Variants in GRID2 observed in about 807,000 individuals in gnomAD.
GRID2 encodes glutamate ionotropic receptor delta type subunit 2, also known as glutamate receptor ionotropic, delta-2.
A neutral mutation model predicts 114.8 loss-of-function variants in GRID2; 33 were observed. That is an observed-to-expected ratio of 0.29 (90% CI 0.22 to 0.38). The LOEUF (loss-of-function observed/expected upper bound fraction) is 0.38, where lower values mean the gene tolerates loss of function less well. GRID2 is among the 10% of genes least tolerant of loss of function. The pLI, the probability that GRID2 is intolerant of heterozygous loss-of-function variation, is 1.00. For synonymous variants in GRID2, 505 were observed against 449.9 expected (o/e 1.12, Z -1.55); for missense variants, 1,184 against 1,257.7 (o/e 0.94, Z 0.89).
intron 14 of GRID2, among the ~76,000 whole-genome samples, chr4:93,756,309 T>A (rs886746204): frequency 2.0e-5 from 3 of 152,222 alleles, no homozygotes. Flanking sequence ...CCCATCACTC[T>A]GCAATCATGA....
At chr4:92,674,322 A>T (rs535318525) in intron 2 of GRID2, among the ~76,000 whole-genome samples, 2 of 151,654 alleles carry the variant, frequency 1.3e-5, no homozygotes, top group East Asian at 3.9e-4. Flanking sequence ...TTATGTATTT[A>T]TTTTTTTCCT....
intron 8 of GRID2, among the ~76,000 whole-genome samples, chr4:93,383,498 C>T (rs1579900952): frequency 6.6e-6 from 1 of 152,136 alleles, no homozygotes; most frequent in East Asian, 1.9e-4. Context: ...TCAATAGACT[C>T]CAGAACTCCA....
chr4:92,347,011 G>A (rs1727800978), intron 1 of GRID2, among the ~76,000 whole-genome samples: 1 of 152,098 alleles, frequency 6.6e-6, no homozygotes, highest in Non-Finnish European at 1.5e-5. Context: ...CAGAAAATAT[G>A]TTCTGCTTTC....
At chr4:93,184,615 G>T (rs1740222397) in intron 4 of GRID2, among the ~76,000 whole-genome samples, 1 of 152,044 alleles carries the variant, frequency 6.6e-6, no homozygotes, top group African/African-American at 2.4e-5. Flanking sequence ...CGGGTGCAGT[G>T]GCTCACGCCT....
intron 2 of GRID2, among the ~76,000 whole-genome samples, chr4:93,078,803 T>C (rs886851132): frequency 6.8e-6 from 1 of 146,912 alleles, no homozygotes; most frequent in Admixed American, 6.8e-5. Context: ...TAATTATATT[T>C]ATGTACTATA....
At chr4:92,732,250 T>G (rs1253903123) in intron 2 of GRID2, among the ~76,000 whole-genome samples, 1 of 152,018 alleles carries the variant, frequency 6.6e-6, no homozygotes, top group Non-Finnish European at 1.5e-5. Flanking sequence ...TGTGTGTATG[T>G]TTGTATATAT....
intron 3 of GRID2, among the ~76,000 whole-genome samples, chr4:93,105,098 A>C (rs1488170621): frequency 1.3e-5 from 2 of 152,034 alleles, no homozygotes; most frequent in Non-Finnish European, 2.9e-5. Flanking sequence ...TGGCTGCATA[A>C]ATGTCTTCTT....
chr4:92,587,813 G>A (rs1041192260), intron 1 of GRID2, among the ~76,000 whole-genome samples: 18 of 152,106 alleles, frequency 1.2e-4, no homozygotes, highest in African/African-American at 4.3e-4. Flanking sequence ...AATATTAAGT[G>A]TTCTGCCATG....
intron 2 of GRID2, among the ~76,000 whole-genome samples, chr4:92,970,336 C>T (rs1753426278): frequency 6.6e-6 from 1 of 151,878 alleles, no homozygotes. Context: ...CAAAGCAAAA[C>T]AGGATATATG....
chr4:93,126,818 C>T (rs566546833), intron 4 of GRID2, among the ~76,000 whole-genome samples: 27 of 151,616 alleles, frequency 1.8e-4, no homozygotes, highest in African/African-American at 6.5e-4. Flanking sequence ...AGGATGGTCT[C>T]GATCTCCTGA....
rs1300643162 is a variant in GRID2, at chr4:93,227,212, A to G, written c.1125+2437A>G. 5.3e-5 allele frequency among the ~76,000 whole-genome samples: 8 copies of G among 152,130 alleles called. No homozygotes were observed. In the East Asian group the frequency reaches 1.4e-3, roughly 26 times the overall value. ...TCTTTAGCAAATAGTACTTGACTGCACCCTTGATATTCTCTCCTGAATATT... is the reference window on the plus strand; with the variant it reads ...TCTTTAGCAAATAGTACTTGACTGCGCCCTTGATATTCTCTCCTGAATATT... On this transcript the variant is annotated intron_variant, in intron 7 of 15. Coordinates refer to ENST00000282020, the MANE Select transcript of GRID2 (RefSeq NM_001510.4).
chr4:92,636,086 G>A (rs988074381), intron 2 of GRID2, among the ~76,000 whole-genome samples: 13 of 152,064 alleles, frequency 8.5e-5, no homozygotes, highest in South Asian at 4.1e-4. Flanking sequence ...ATTGTAGGAT[G>A]ACTGCATATT....
At chr4:92,752,988 A>G (rs1398131248) in intron 2 of GRID2, among the ~76,000 whole-genome samples, 3 of 152,176 alleles carry the variant, frequency 2.0e-5, no homozygotes, top group Non-Finnish European at 2.9e-5. Flanking sequence ...ATGGTAATCA[A>G]CATAGGAGAA....
chr4:93,575,209 T>C (rs529963419), intron 13 of GRID2, among the ~76,000 whole-genome samples: 1 of 152,292 alleles, frequency 6.6e-6, no homozygotes, highest in African/African-American at 2.4e-5. Flanking sequence ...CCAGGAGGTG[T>C]AGTTCATTTG....
At chr4:93,600,035 A>C (rs1739508252) in intron 13 of GRID2, among the ~76,000 whole-genome samples, 1 of 152,220 alleles carries the variant, frequency 6.6e-6, no homozygotes, top group Non-Finnish European at 1.5e-5. Context: ...CCCAAGATTT[A>C]AGCGTAACTT....
intron 9 of GRID2, among the ~76,000 whole-genome samples, chr4:93,415,786 C>T (rs1767642916): frequency 6.6e-6 from 1 of 151,806 alleles, no homozygotes; most frequent in African/African-American, 2.4e-5. Flanking sequence ...ATAATAATAG[C>T]TTTAACTTTA....
chr4:93,031,850 G>A (rs1293214061), intron 2 of GRID2, among the ~76,000 whole-genome samples: 1 of 151,934 alleles, frequency 6.6e-6, no homozygotes, highest in East Asian at 1.9e-4. Flanking sequence ...GGGGAAGATA[G>A]TAGTGACCTC....
At chr4:92,587,113 T>C (rs952635342) in intron 1 of GRID2, among the ~76,000 whole-genome samples, 2 of 150,590 alleles carry the variant, frequency 1.3e-5, no homozygotes, top group African/African-American at 4.9e-5. Flanking sequence ...TGTGTGTGTG[T>C]GTGTGTGTGT....
chr4:92,563,183 G>A (rs1727179072), intron 1 of GRID2, among the ~76,000 whole-genome samples: 1 of 152,060 alleles, frequency 6.6e-6, no homozygotes, highest in African/African-American at 2.4e-5. Flanking sequence ...TTTAAAAAAT[G>A]GTTTTATGGT....
Sources: gnomAD v4.1 joint callset for allele counts (sites outside exome capture counted in the v4.1 genomes callset) on GRCh38, gnomAD v4.1.1 for gene constraint, MANE v1.5 for transcripts, NCBI Gene and HGNC (gene_info 2026-07-23, HGNC 2026-07-21) for gene names.